Variants in CACNB4 observed in about 807,000 individuals in gnomAD.
CACNB4 encodes calcium voltage-gated channel auxiliary subunit beta 4.
Under a neutral mutation model 71.2 loss-of-function variants are expected in CACNB4, and 32 were observed. That is an observed-to-expected ratio of 0.45 (90% CI 0.34 to 0.60). CACNB4 has a LOEUF of 0.60. Among genes scored for constraint, CACNB4 ranks in the 20% least tolerant of loss-of-function variants. CACNB4 has a pLI of 0.01. For synonymous variants in CACNB4, 231 were observed against 236.9 expected (o/e 0.97, Z 0.23); for missense variants, 464 against 647.9 (o/e 0.72, Z 3.08).
At chr2:151,878,970 G>C (rs1372592173) in intron 4 of CACNB4, among the ~76,000 whole-genome samples, 1 of 152,220 alleles carries the variant, frequency 6.6e-6, no homozygotes, top group Non-Finnish European at 1.5e-5. Flanking sequence ...ATAAAACCTT[G>C]AACAATCTAG....
intron 2 of CACNB4, among the ~76,000 whole-genome samples, chr2:152,092,914 T>A (rs546395202): frequency 1.3e-5 from 2 of 152,112 alleles, no homozygotes; most frequent in African/African-American, 4.8e-5. Flanking sequence ...AGTAAGAGAT[T>A]AATAACAACT....
intron 2 of CACNB4, among the ~76,000 whole-genome samples, chr2:152,055,782 C>T (rs1277788427): frequency 6.6e-6 from 1 of 152,060 alleles, no homozygotes; most frequent in Non-Finnish European, 1.5e-5. Flanking sequence ...TAACTTTTTT[C>T]GGAGGAACTC....
At chr2:152,030,812 G>A (rs1211955270) in intron 2 of CACNB4, among the ~76,000 whole-genome samples, 2 of 152,162 alleles carry the variant, frequency 1.3e-5, no homozygotes, top group South Asian at 2.1e-4. Context: ...ATTCCATGGT[G>A]TATATGTGCC....
chr2:151,938,987 T>C (rs149926630), intron 2 of CACNB4, among the ~76,000 whole-genome samples: 1 of 152,240 alleles, frequency 6.6e-6, no homozygotes, highest in Non-Finnish European at 1.5e-5. Flanking sequence ...CCTTTCTCTA[T>C]CTGCAGATAT....
intron 2 of CACNB4, among the ~76,000 whole-genome samples, chr2:152,070,623 A>G (rs1686630807): frequency 6.6e-6 from 1 of 152,192 alleles, no homozygotes; most frequent in Non-Finnish European, 1.5e-5. Flanking sequence ...GTTGACCCCT[A>G]AGTGAAGTGT....
At chr2:151,975,289 A>G (rs1054905031) in intron 2 of CACNB4, among the ~76,000 whole-genome samples, 2 of 152,212 alleles carry the variant, frequency 1.3e-5, no homozygotes, top group Non-Finnish European at 2.9e-5. Flanking sequence ...TCTTAAAGGA[A>G]CAAACCTGAG....
intron 2 of CACNB4, among the ~76,000 whole-genome samples, chr2:151,941,397 T>C (rs2151632455): frequency 6.6e-6 from 1 of 150,920 alleles, no homozygotes; most frequent in Non-Finnish European, 1.5e-5. Context: ...TTCTCCTGCC[T>C]CAGCAACCCG....
chr2:151,982,140 C>T (rs2099874825), intron 2 of CACNB4, among the ~76,000 whole-genome samples: 1 of 152,194 alleles, frequency 6.6e-6, no homozygotes, highest in South Asian at 2.1e-4. Context: ...TGACTAAAAG[C>T]TCCAGTATTC....
At chr2:152,077,646 G>A (rs1687109719) in intron 2 of CACNB4, among the ~76,000 whole-genome samples, 1 of 152,062 alleles carries the variant, frequency 6.6e-6, no homozygotes, top group African/African-American at 2.4e-5. Context: ...CAGGAGAAAC[G>A]CCTGAACCTG....
At chr2:151,869,052 G>T in intron 9 of CACNB4, 125 bp downstream of exon 9, 1 of 632,944 alleles carries the variant, frequency 1.6e-6, no homozygotes, top group Non-Finnish European at 2.8e-6. Flanking sequence ...TTCTTCCCAA[G>T]AATACTGAGT....
intron 2 of CACNB4, among the ~76,000 whole-genome samples, chr2:151,957,658 T>G (rs933119140): frequency 6.6e-6 from 1 of 152,132 alleles, no homozygotes; most frequent in African/African-American, 2.4e-5. Context: ...TGAAAGTGAT[T>G]TGGGGAGCGT....
At chr2:151,973,674 C>T in intron 2 of CACNB4, 1 of 1,613,490 alleles carries the variant, frequency 6.2e-7, no homozygotes. Context: ...CTTACAGCCT[C>T]CGAGTCTTCA....
intron 3 of CACNB4, among the ~76,000 whole-genome samples, chr2:151,882,181 CTTTTTTTTT>C (rs35206904): frequency 2.7e-3 from 138 of 50,846 alleles, no homozygotes; most frequent in South Asian, 9.6e-3. Flanking sequence ...ACCGGCCCCT[CTTTTTTTTT>C]TTTTTTTTTT....
intron 2 of CACNB4, among the ~76,000 whole-genome samples, chr2:152,028,925 T>G (rs1414458421): frequency 6.6e-6 from 1 of 152,250 alleles, no homozygotes. Flanking sequence ...ATGGCACTTC[T>G]GAGTAGCTTT....
At chr2:152,082,050 T>C (rs2105423820) in intron 2 of CACNB4, among the ~76,000 whole-genome samples, 1 of 152,342 alleles carries the variant, frequency 6.6e-6, no homozygotes, top group South Asian at 2.1e-4. Context: ...CTGGTGGCTA[T>C]AATAATTATA....
At chr2:151,905,484 G>C (rs908616515) in intron 2 of CACNB4, among the ~76,000 whole-genome samples, 31 of 152,310 alleles carry the variant, frequency 2.0e-4, no homozygotes, top group African/African-American at 6.7e-4. Flanking sequence ...CCAAGTGTTT[G>C]CAAGTCTTGA....
At chr2:151,935,577 C>A (rs994427767) in intron 2 of CACNB4, among the ~76,000 whole-genome samples, 7 of 152,210 alleles carry the variant, frequency 4.6e-5, no homozygotes, top group African/African-American at 1.7e-4. Context: ...GTTACTATAA[C>A]TAAATTTTTA....
At chr2:151,987,355 T>C (rs1053274422) in intron 2 of CACNB4, among the ~76,000 whole-genome samples, 1 of 152,190 alleles carries the variant, frequency 6.6e-6, no homozygotes, top group Non-Finnish European at 1.5e-5. Flanking sequence ...CTGGGCTTGG[T>C]TGAGTTCAGA....
At chr2:151,859,106 A>AT (rs1229144966) in intron 10 of CACNB4, 1 of 152,252 alleles carries the variant, frequency 6.6e-6, no homozygotes, top group African/African-American at 2.4e-5. Context: ...AATGGATCAC[A>AT]TTGTGGTTAT....
Sources: gnomAD v4.1 joint callset for allele counts (sites outside exome capture counted in the v4.1 genomes callset) on GRCh38, gnomAD v4.1.1 for gene constraint, MANE v1.5 for transcripts, NCBI Gene and HGNC (gene_info 2026-07-23, HGNC 2026-07-21) for gene names.